CCDC171: variants seen among roughly 807,000 people sequenced by gnomAD.
The protein encoded by CCDC171 is coiled-coil domain-containing protein 171.
CCDC171 carries 177 observed loss-of-function variants against 168.2 expected under a neutral mutation model. The ratio of observed to expected loss-of-function variants is 1.05; its 90% CI spans 0.93 to 1.19. The LOEUF is 1.19. Ranked by LOEUF, CCDC171 falls within the 50% of genes most tolerant of loss-of-function variation. CCDC171 has a pLI of 0.00. For synonymous variants in CCDC171, 687 were observed against 540.8 expected, an observed-to-expected ratio of 1.27 and a Z score of -3.75; for missense variants, 1,991 against 1,539.0, an observed-to-expected ratio of 1.29 and a Z score of -4.91.
chr9:15,905,362 A>C (rs1202177723), intron 24 of CCDC171, among the ~76,000 whole-genome samples: 3 of 152,242 alleles, frequency 2.0e-5, no homozygotes, highest in Non-Finnish European at 4.4e-5. Flanking sequence ...CTCGGGATTC[A>C]GAAGCTCACT....
intron 11 of CCDC171, among the ~76,000 whole-genome samples, chr9:15,711,755 A>G (rs957782727): frequency 1.3e-5 from 2 of 152,212 alleles, no homozygotes; most frequent in South Asian, 2.1e-4. Flanking sequence ...TTGCTTTGGC[A>G]CTATTGTAAA....
chr9:15,959,983 A>G lies in CCDC171; in HGVS notation c.3754-11626A>G, dbSNP rs185943722. The stretch of plus-strand genomic sequence containing the variant: ...ACCCATATGACCTAGCAAGCCCCCT[A>G]ATACATTGAAGGCAGACCCTGTTGG... On this transcript the variant is annotated intron_variant, in intron 25 of 25. Transcript: ENST00000380701. Among the ~76,000 whole-genome samples, 47 of 152,246 alleles carry G rather than the reference A, an allele frequency of 3.1e-4. 1 individual carries two copies. The highest frequency in any genetic ancestry group is 3.1e-3 in the Admixed American group (47 of 15,288).
chr9:15,834,901 C>G (rs1009776330), intron 21 of CCDC171, among the ~76,000 whole-genome samples: 3 of 152,140 alleles, frequency 2.0e-5, no homozygotes, highest in African/African-American at 7.2e-5. Context: ...AGTATCAAAG[C>G]AAACCAAAAT....
Position 15,571,753 on chromosome 9 carries a change from T to C in CCDC171, c.171T>C (p.Asn57=). ...AGTTAGAAATAACAACCAAACACAATGCAGAGGTACGATTTATTTTCCTCT... is the reference window on the plus strand; with the variant it reads ...AGTTAGAAATAACAACCAAACACAACGCAGAGGTACGATTTATTTTCCTCT... ...KEKLEITTKH[N]AELASYESQI... is the part of the protein sequence containing the mutation. Residue 57 remains asparagine (N), a synonymous_variant, in exon 3 of 26, where the codon AAT becomes AAC. Transcript: ENST00000380701. The C allele has an allele frequency of 6.3e-7, 1 of 1,575,008 alleles. No homozygotes were observed. The highest frequency in any genetic ancestry group is 8.5e-7 in the Non-Finnish European group (1 of 1,169,996).
the CCDC171 span, among the ~76,000 whole-genome samples, chr9:16,081,856 A>T: frequency 0.16 from 20,398 of 131,350 alleles, 1,468 homozygotes; most frequent in African/African-American, 0.19. Flanking sequence ...TGATTACTTT[A>T]AAAAAAAAAA....
chr9:15,949,291 G>C (rs1450147687), intron 25 of CCDC171, among the ~76,000 whole-genome samples: 1 of 152,144 alleles, frequency 6.6e-6, no homozygotes, highest in Non-Finnish European at 1.5e-5. Flanking sequence ...GCTTGGGATT[G>C]ACTTGGCGAT....
the CCDC171 span, among the ~76,000 whole-genome samples, chr9:16,088,341 A>C: frequency 6.6e-6 from 1 of 152,232 alleles, no homozygotes. Context: ...CACCACTCCT[A>C]TTCAACATAG....
At chr9:15,597,983 G>C (rs1240853052) in intron 6 of CCDC171, among the ~76,000 whole-genome samples, 1 of 152,044 alleles carries the variant, frequency 6.6e-6, no homozygotes, top group Non-Finnish European at 1.5e-5. Context: ...TGTGGGATCG[G>C]TGGTGATATC....
the CCDC171 span, among the ~76,000 whole-genome samples, chr9:16,084,198 C>T: frequency 6.6e-6 from 1 of 152,162 alleles, no homozygotes. Context: ...ATCTTTTGGT[C>T]TTGAGTGCCA....
At chr9:15,581,545 A>G (rs2041118234) in intron 4 of CCDC171, among the ~76,000 whole-genome samples, 2 of 152,346 alleles carry the variant, frequency 1.3e-5, no homozygotes, top group South Asian at 2.1e-4. Context: ...ACAAGAATAC[A>G]GTAACCAAAA....
intron 1 of CCDC171, among the ~76,000 whole-genome samples, chr9:16,046,309 G>C (rs568200836): frequency 6.6e-6 from 1 of 152,242 alleles, no homozygotes; most frequent in East Asian, 1.9e-4. Context: ...GGGTGCATTA[G>C]AGTAGGCAGT....
chr9:15,874,411 T>A (rs1240607206), intron 23 of CCDC171, 121 bp from the exon 24 acceptor site: 1 of 726,256 alleles, frequency 1.4e-6, no homozygotes, highest in African/African-American at 1.8e-5. Flanking sequence ...CCTAAATTTA[T>A]TCATGGATTT....
chr9:15,657,450 T>G (rs576773611), intron 8 of CCDC171, among the ~76,000 whole-genome samples: 23 of 152,340 alleles, frequency 1.5e-4, no homozygotes, highest in Admixed American at 5.9e-4. Context: ...TCTGTTCTTG[T>G]GAAGTTTTGT....
intron 2 of CCDC171, among the ~76,000 whole-genome samples, chr9:15,569,843 A>AAAAC (rs1563957580): frequency 6.1e-5 from 4 of 65,866 alleles, no homozygotes; most frequent in African/African-American, 2.1e-4. Context: ...AAAAACAAAC[A>AAAAC]AACAAAAAAA....
chr9:15,791,502 T>C (rs894435395), intron 21 of CCDC171, among the ~76,000 whole-genome samples: 7 of 152,202 alleles, frequency 4.6e-5, no homozygotes, highest in East Asian at 1.9e-4. Context: ...TGGGCTGAGG[T>C]GATGTGGTTT....
chr9:16,059,511 T>C (rs565697490), intron 1 of CCDC171, among the ~76,000 whole-genome samples: 30 of 137,150 alleles, frequency 2.2e-4, no homozygotes, highest in East Asian at 1.0e-3. Context: ...TTTTCTTTTT[T>C]TTTTTTTTTT....
chr9:15,790,499 C>T (rs1312355743), intron 21 of CCDC171, among the ~76,000 whole-genome samples: 1 of 152,098 alleles, frequency 6.6e-6, no homozygotes, highest in African/African-American at 2.4e-5. Flanking sequence ...GATATTAGCC[C>T]TTTGTCAGAT....
At chr9:16,016,971 G>A (rs371644440) in intron 3 of CCDC171, among the ~76,000 whole-genome samples, 2 of 152,132 alleles carry the variant, frequency 1.3e-5, no homozygotes, top group Admixed American at 1.3e-4. Context: ...CAGTAAGATC[G>A]TAAAAATCAG....
intron 21 of CCDC171, among the ~76,000 whole-genome samples, chr9:15,804,039 G>T (rs983273277): frequency 6.6e-6 from 1 of 151,988 alleles, no homozygotes; most frequent in African/African-American, 2.4e-5. Context: ...CTACTTGCCT[G>T]TTGGTGTATG....
Sources: gnomAD v4.1 joint callset for allele counts (sites outside exome capture counted in the v4.1 genomes callset) on GRCh38, gnomAD v4.1.1 for gene constraint, MANE v1.5 for transcripts, NCBI Gene and HGNC (gene_info 2026-07-23, HGNC 2026-07-21) for gene names.